Variants in SLC24A2 observed in about 807,000 individuals in gnomAD.
SLC24A2 encodes the protein sodium/potassium/calcium exchanger 2.
A neutral mutation model predicts 62.0 loss-of-function variants in SLC24A2; 36 were observed. That is an observed-to-expected ratio of 0.58 (90% CI 0.44 to 0.77). SLC24A2 has a LOEUF of 0.77. Among genes scored for constraint, SLC24A2 ranks in the 30% least tolerant of loss-of-function variants. SLC24A2 has a pLI of 0.00. For synonymous variants in SLC24A2, 358 were observed against 294.0 expected, an observed-to-expected ratio of 1.22 and a Z score of -2.23; for missense variants, 846 against 817.9, an observed-to-expected ratio of 1.03 and a Z score of -0.42.
At chr9:19,886,270 G>T in the SLC24A2 span, among the ~76,000 whole-genome samples, 3 of 152,020 alleles carry the variant, frequency 2.0e-5, no homozygotes, top group Admixed American at 2.0e-4. Flanking sequence ...ATGATTTTTT[G>T]ACTTTTTAAT....
chr9:20,051,617 C>G, the SLC24A2 span, among the ~76,000 whole-genome samples: 1 of 123,712 alleles, frequency 8.1e-6, no homozygotes, highest in Non-Finnish European at 1.7e-5. Flanking sequence ...AAGGCATTCT[C>G]TATCTTTGTT....
chr9:20,098,965 C>A, the SLC24A2 span, among the ~76,000 whole-genome samples: 1 of 152,172 alleles, frequency 6.6e-6, no homozygotes, highest in Non-Finnish European at 1.5e-5. Context: ...ACACAACTTA[C>A]TGAAAAGAAA....
intron 2 of SLC24A2, among the ~76,000 whole-genome samples, chr9:19,629,806 G>T (rs1380596153): frequency 6.6e-6 from 1 of 152,140 alleles, no homozygotes; most frequent in Non-Finnish European, 1.5e-5. Flanking sequence ...TTGTTTCAGG[G>T]AAAGAACAAG....
At chr9:19,551,004 T>A (rs998010359) in intron 7 of SLC24A2, among the ~76,000 whole-genome samples, 1 of 152,154 alleles carries the variant, frequency 6.6e-6, no homozygotes, top group African/African-American at 2.4e-5. Flanking sequence ...TCTTCTAGCT[T>A]TGGAATATAT....
chr9:19,946,225 A>G, the SLC24A2 span, among the ~76,000 whole-genome samples: 126,249 of 152,130 alleles, frequency 0.83, 52,822 homozygotes, highest in Non-Finnish European at 0.88. Flanking sequence ...CTGCTCAATA[A>G]TTAAGTGGAG....
At chr9:19,871,255 T>A in the SLC24A2 span, among the ~76,000 whole-genome samples, 1 of 152,218 alleles carries the variant, frequency 6.6e-6, no homozygotes, top group Non-Finnish European at 1.5e-5. Flanking sequence ...TGTTGTTGAC[T>A]GAACATAATT....
chr9:19,735,650 C>A (rs1372021110), intron 2 of SLC24A2, among the ~76,000 whole-genome samples: 11 of 152,130 alleles, frequency 7.2e-5, no homozygotes, highest in Non-Finnish European at 1.6e-4. Flanking sequence ...AAATGTGGCA[C>A]ATATACACCA....
the SLC24A2 span, among the ~76,000 whole-genome samples, chr9:20,168,659 T>G: frequency 6.6e-6 from 1 of 152,004 alleles, no homozygotes; most frequent in Non-Finnish European, 1.5e-5. Flanking sequence ...AGATAACACT[T>G]TACATCTACT....
chr9:20,244,863 T>TA, the SLC24A2 span, among the ~76,000 whole-genome samples: 2,347 of 152,176 alleles, frequency 0.015, 61 homozygotes, highest in African/African-American at 0.052. Flanking sequence ...TCTCTTATTT[T>TA]AAAAAAAATC....
chr9:19,525,418 TTAA>T (rs1563932006), intron 9 of SLC24A2, among the ~76,000 whole-genome samples: 2 of 98,968 alleles, frequency 2.0e-5, no homozygotes, highest in African/African-American at 9.3e-5. Context: ...TTTTTTTTTT[TTAA>T]AAGACAGGGT....
the SLC24A2 span, among the ~76,000 whole-genome samples, chr9:20,057,437 C>G: frequency 2.0e-5 from 3 of 152,118 alleles, no homozygotes; most frequent in Admixed American, 2.0e-4. Context: ...TTTACCTAGT[C>G]CTTCCTAACC....
chr9:19,638,158 A>T (rs1818405825), intron 2 of SLC24A2, among the ~76,000 whole-genome samples: 1 of 152,214 alleles, frequency 6.6e-6, no homozygotes, highest in Admixed American at 6.5e-5. Flanking sequence ...GGCCATACCC[A>T]GGGCTGTCTG....
At chr9:20,178,542 C>T in the SLC24A2 span, among the ~76,000 whole-genome samples, 3 of 152,072 alleles carry the variant, frequency 2.0e-5, no homozygotes, top group African/African-American at 4.8e-5. Context: ...TGTGGGTTTC[C>T]TTTTTCCACC....
chr9:19,891,363 A>C, the SLC24A2 span, among the ~76,000 whole-genome samples: 1 of 152,222 alleles, frequency 6.6e-6, no homozygotes, highest in African/African-American at 2.4e-5. Context: ...AATATAAAAC[A>C]GATATATTAG....
chr9:20,207,633 G>C, the SLC24A2 span, among the ~76,000 whole-genome samples: 3 of 152,128 alleles, frequency 2.0e-5, no homozygotes, highest in Admixed American at 6.5e-5. Context: ...ACTATGCATA[G>C]AGTCTGACAC....
the SLC24A2 span, among the ~76,000 whole-genome samples, chr9:20,058,302 A>T: frequency 0.66 from 101,011 of 152,016 alleles, 34,578 homozygotes; most frequent in East Asian, 0.95. Context: ...ACAAATTTTT[A>T]AAAATTCATT....
intron 2 of SLC24A2, among the ~76,000 whole-genome samples, chr9:19,682,439 C>T (rs1032550500): frequency 6.6e-6 from 1 of 152,152 alleles, no homozygotes; most frequent in African/African-American, 2.4e-5. Flanking sequence ...TAGCAACCCT[C>T]ACCTTCAGAG....
intron 8 of SLC24A2, among the ~76,000 whole-genome samples, chr9:19,545,889 G>A (rs539253894): frequency 3.3e-5 from 5 of 152,168 alleles, no homozygotes; most frequent in Admixed American, 1.3e-4. Flanking sequence ...TGCCCTCCTC[G>A]GCCTCCCAGA....
At chr9:20,213,686 G>C in the SLC24A2 span, among the ~76,000 whole-genome samples, 1 of 151,992 alleles carries the variant, frequency 6.6e-6, no homozygotes, top group Non-Finnish European at 1.5e-5. Context: ...TAATAATAAA[G>C]TGAACAATAT....
Sources: gnomAD v4.1 joint callset for allele counts (sites outside exome capture counted in the v4.1 genomes callset) on GRCh38, gnomAD v4.1.1 for gene constraint, MANE v1.5 for transcripts, NCBI Gene and HGNC (gene_info 2026-07-23, HGNC 2026-07-21) for gene names.